Variants in KCND2 observed in about 807,000 individuals in gnomAD.
KCND2 encodes A-type voltage-gated potassium channel KCND2.
KCND2 carries 16 observed loss-of-function variants against 54.4 expected under a neutral mutation model. That is an observed-to-expected ratio of 0.29 (90% CI 0.20 to 0.45). The LOEUF is 0.45. Among genes scored for constraint, KCND2 ranks in the 20% least tolerant of loss-of-function variants. The pLI is 1.00. For synonymous variants in KCND2, 317 were observed against 310.7 expected (o/e 1.02, Z -0.21); for missense variants, 486 against 824.2 (o/e 0.59, Z 5.02).
chr7:120,648,526 G>A (rs532754044), intron 1 of KCND2, among the ~76,000 whole-genome samples: 9 of 152,270 alleles, frequency 5.9e-5, no homozygotes, highest in Admixed American at 2.0e-4. Context: ...ATGGAAGAAG[G>A]ACCCTGAAAG....
At position 120,685,291 on chromosome 7, in the gene KCND2, C is replaced by T. The variant is rs148425074; in HGVS notation, c.1116-47612C>T. Among the ~76,000 whole-genome samples the T allele has an allele frequency of 4.6e-5, 7 of 152,234 alleles. No homozygotes were observed. The East Asian group carries it at 7.7e-4, about 17-fold the overall frequency. ...CCTTCCAGATTTGGTTGTTATTAAC[C>T]GGACAGTTACCTAAGCACTAAGATC... is the stretch of plus-strand genomic sequence containing the variant. On this transcript the variant is annotated intron_variant, in intron 1 of 5. Transcript: ENST00000331113.
intron 1 of KCND2, among the ~76,000 whole-genome samples, chr7:120,481,617 G>T (rs907463440): frequency 6.6e-6 from 1 of 152,134 alleles, no homozygotes; most frequent in Non-Finnish European, 1.5e-5. Flanking sequence ...GTTTTCAGGG[G>T]TGAGCCCTGG....
chr7:120,294,755 T>C (rs757234992), intron 1 of KCND2, among the ~76,000 whole-genome samples: 43 of 151,888 alleles, frequency 2.8e-4, no homozygotes, highest in Non-Finnish European at 5.5e-4. Context: ...CAAACACTTA[T>C]TCATCTTATT....
intron 1 of KCND2, among the ~76,000 whole-genome samples, chr7:120,689,130 G>A (rs995533235): frequency 6.6e-6 from 1 of 152,120 alleles, no homozygotes; most frequent in African/African-American, 2.4e-5. Context: ...AGAAACAGGA[G>A]TGTGAGCAGA....
At chr7:120,408,699 GCACATACACA>G (rs1353522592) in intron 1 of KCND2, among the ~76,000 whole-genome samples, 3 of 151,518 alleles carry the variant, frequency 2.0e-5, no homozygotes, top group African/African-American at 7.3e-5. Context: ...ACACACATGT[GCACATACACA>G]CACATACACA....
chr7:120,644,195 G>T (rs1793410262), intron 1 of KCND2, among the ~76,000 whole-genome samples: 1 of 152,098 alleles, frequency 6.6e-6, no homozygotes, highest in Admixed American at 6.6e-5. Flanking sequence ...TATATGCAGA[G>T]GAAAATAGTA....
intron 1 of KCND2, among the ~76,000 whole-genome samples, chr7:120,485,489 T>C (rs959537150): frequency 2.6e-4 from 39 of 152,276 alleles, no homozygotes; most frequent in South Asian, 4.1e-4. Flanking sequence ...GCCCGGTTTT[T>C]CACAAAGAAG....
intron 1 of KCND2, among the ~76,000 whole-genome samples, chr7:120,651,785 T>A (rs1308702427): frequency 1.3e-5 from 2 of 152,164 alleles, no homozygotes; most frequent in African/African-American, 4.8e-5. Context: ...AGTTAATAAA[T>A]CATTTAAAGA....
chr7:120,638,132 C>T (rs138032336), intron 1 of KCND2, among the ~76,000 whole-genome samples: 33 of 152,218 alleles, frequency 2.2e-4, no homozygotes, highest in African/African-American at 7.2e-4. Context: ...TTAGGATCTT[C>T]CGCAGAATTT....
chr7:120,685,394 G>T (rs989371284), intron 1 of KCND2, among the ~76,000 whole-genome samples: 6 of 152,132 alleles, frequency 3.9e-5, no homozygotes, highest in Admixed American at 6.6e-5. Context: ...GTCTGTCCAG[G>T]TTCTCACAAA....
intron 1 of KCND2, among the ~76,000 whole-genome samples, chr7:120,587,160 T>C (rs1294129087): frequency 6.6e-6 from 1 of 152,174 alleles, no homozygotes; most frequent in Non-Finnish European, 1.5e-5. Context: ...AAAATGCTCA[T>C]GTCTTCTTTG....
intron 1 of KCND2, among the ~76,000 whole-genome samples, chr7:120,658,174 AT>A (rs773923058): frequency 3.3e-5 from 5 of 151,660 alleles, no homozygotes; most frequent in South Asian, 2.1e-4. Context: ...ACAAGAGGTA[AT>A]TTTTTTTTCC....
intron 1 of KCND2, among the ~76,000 whole-genome samples, chr7:120,583,654 C>A (rs1562879557): frequency 3.3e-5 from 5 of 151,966 alleles, no homozygotes; most frequent in Admixed American, 6.6e-5. Context: ...CTTATAAAGA[C>A]ACCAATAATA....
intron 1 of KCND2, among the ~76,000 whole-genome samples, chr7:120,582,831 CT>C (rs1584839946): frequency 6.6e-6 from 1 of 151,530 alleles, no homozygotes; most frequent in East Asian, 1.9e-4. Flanking sequence ...ATTTTTCTTC[CT>C]TTCCAGTCTC....
intron 1 of KCND2, among the ~76,000 whole-genome samples, chr7:120,491,877 A>G (rs1802784752): frequency 6.6e-6 from 1 of 152,152 alleles, no homozygotes; most frequent in Non-Finnish European, 1.5e-5. Context: ...ATGTTTTAAT[A>G]AGATATCTAG....
chr7:120,522,285 T>C (rs1483637789), intron 1 of KCND2, among the ~76,000 whole-genome samples: 1 of 152,130 alleles, frequency 6.6e-6, no homozygotes, highest in Non-Finnish European at 1.5e-5. Context: ...GATTCAAAAA[T>C]CAAGGTAATC....
chr7:120,695,815 G>A (rs1792326291), intron 1 of KCND2, among the ~76,000 whole-genome samples: 1 of 152,138 alleles, frequency 6.6e-6, no homozygotes, highest in Non-Finnish European at 1.5e-5. Flanking sequence ...AGAATGCAAA[G>A]TATCTCAAAG....
At chr7:120,289,251 T>C (rs1799399073) in intron 1 of KCND2, among the ~76,000 whole-genome samples, 1 of 152,044 alleles carries the variant, frequency 6.6e-6, no homozygotes, top group Non-Finnish European at 1.5e-5. Flanking sequence ...TTTCATGCTG[T>C]CCGCTGACTG....
chr7:120,745,391 AC>A (rs1792992748), intron 4 of KCND2, among the ~76,000 whole-genome samples: 1 of 152,014 alleles, frequency 6.6e-6, no homozygotes, highest in Non-Finnish European at 1.5e-5. Context: ...CATAACTTCA[AC>A]CTTTTTAAAA....
Sources: allele counts gnomAD v4.1 joint callset (sites outside exome capture counted in the v4.1 genomes callset), GRCh38; gene constraint gnomAD v4.1.1; transcripts MANE v1.5; gene names NCBI Gene and HGNC (gene_info 2026-07-23, HGNC 2026-07-21).